The following SPTB variants were observed in gnomAD, a reference collection of about 807,000 sequenced individuals.
SPTB encodes the protein spectrin beta chain, erythrocytic.
In SPTB, 45 loss-of-function variants were observed where a neutral mutation model predicts 256.2. The ratio of observed to expected loss-of-function variants is 0.18; its 90% CI spans 0.14 to 0.23. The LOEUF (loss-of-function observed/expected upper bound fraction) is 0.23. Ranked by LOEUF, SPTB falls within the 10% of genes least tolerant of loss-of-function variation. The pLI, the probability that SPTB is intolerant of heterozygous loss-of-function variation, is 1.00. For synonymous variants in SPTB, 1,231 were observed against 1,243.1 expected (o/e 0.99, Z 0.21); for missense variants, 2,715 against 3,040.4 (o/e 0.89, Z 2.52).
chr14:64,749,077 G>C lies in SPTB; in HGVS notation c.*229C>G, dbSNP rs935772441. The C allele has an allele frequency of 1.2e-4, 56 of 465,906 alleles. No homozygotes were observed. The highest frequency in any genetic ancestry group is 9.2e-4 in the South Asian group (40 of 43,392). 28.9% of individuals were successfully genotyped at this position (465,906 alleles called of 1,614,324 possible). A position where few individuals can be genotyped will look rare whatever the true frequency, so the allele number is the denominator to read the frequency against. ...GGCCCCAAAGGCGCCAGAGGAGCTG[G>C]GAGCCCCTGTCCCTGGAGCGGAGCC... On this transcript the variant is annotated 3_prime_UTR_variant, in exon 36 of 36. Transcript: ENST00000644917. This position sits in a 1 kb window ranked among gnomAD's most constrained non-coding sequence, Gnocchi z 4.7.
chr14:64,849,241 C>G (rs2083741425), intron 1 of SPTB, among the ~76,000 whole-genome samples: 1 of 152,182 alleles, frequency 6.6e-6, no homozygotes, highest in Non-Finnish European at 1.5e-5. Context: ...CACATATCCT[C>G]AATTGGCTTC....
intron 32 of SPTB, among the ~76,000 whole-genome samples, chr14:64,765,048 G>GCGCA (rs1191648505): frequency 1.2e-4 from 17 of 144,520 alleles, no homozygotes; most frequent in Non-Finnish European, 2.0e-4. Context: ...GTGTGCGCGC[G>GCGCA]CGCGCGCGGG....
chr14:64,854,274 CTTTTTTT>C (rs1206368948), intron 1 of SPTB, among the ~76,000 whole-genome samples: 1 of 73,284 alleles, frequency 1.4e-5, no homozygotes, highest in South Asian at 6.5e-4. Flanking sequence ...TTTCCAAACT[CTTTTTTT>C]TTTTTTTTTT....
At position 64,793,080 on chromosome 14, in the gene SPTB, C is replaced by T. The variant is rs780538811; in HGVS notation, c.2583G>A (p.Glu861=). ...ACTTCTCCTTCTCTCCCATCCACAG[C>T]TCACAGGCGTCTGTCTCCCCGAACA... ...YTVFGETDAC[E]LWMGEKEKWL... is the part of the protein sequence containing the mutation. Residue 861 remains glutamate (E), a synonymous_variant, in exon 14 of 36, where the codon GAG becomes GAA. Transcript: ENST00000644917. This position sits in a 1 kb window ranked among gnomAD's most constrained non-coding sequence, Gnocchi z 7.0. The T allele has an allele frequency of 2.5e-6, 4 of 1,614,008 alleles. No individual in the cohort carries two copies. The highest frequency in any genetic ancestry group is 2.7e-5 in the African/African-American group (2 of 74,952).
At chr14:64,831,851 CAG>C (rs764327146) in intron 1 of SPTB, among the ~76,000 whole-genome samples, 29 of 152,246 alleles carry the variant, frequency 1.9e-4, no homozygotes, top group Admixed American at 4.6e-4. Flanking sequence ...ACACAGGAAA[CAG>C]AATGAGATCT....
At chr14:64,851,883 G>A (rs777757459) in intron 1 of SPTB, among the ~76,000 whole-genome samples, 5 of 151,918 alleles carry the variant, frequency 3.3e-5, no homozygotes, top group African/African-American at 4.8e-5. Context: ...AGGGGGGAGG[G>A]AGAGCTAAAG....
In SPTB at chr14:64,749,570, T is replaced by G; in HGVS notation, c.6819+84A>C. On this transcript the variant is annotated intron_variant, in intron 35 of 35. Coordinates refer to ENST00000644917, the MANE Select transcript of SPTB (RefSeq NM_001355436.2). The surrounding 1 kb of genome is among the most constrained non-coding windows in gnomAD (Gnocchi z 4.7). ...TGGGGGCTCTTGGGACTGCCCCTTC[T>G]GAGGGGGCCTCCAGGGCAAGCGGCC... The G allele has an allele frequency of 6.2e-7, 1 of 1,606,150 alleles. No individual in the cohort carries two copies. Among genetic ancestry groups the G allele is most frequent in the South Asian group, 1.1e-5 (1 of 90,882 alleles).
At chr14:64,863,072 C>T (rs975879738) in intron 1 of SPTB, among the ~76,000 whole-genome samples, 34 of 152,002 alleles carry the variant, frequency 2.2e-4, no homozygotes, top group African/African-American at 8.0e-4. Flanking sequence ...TGGTTTAGAC[C>T]CTCTTGAGTC....
In SPTB at chr14:64,827,205, T is replaced by C. The variant is rs1203612035; in HGVS notation, c.-51-4060A>G. 6.6e-6 allele frequency among the ~76,000 whole-genome samples: 1 copy of C among 152,104 alleles called. No individual in the cohort carries two copies. Among genetic ancestry groups the C allele is most frequent in the Non-Finnish European group, 1.5e-5 (1 of 68,022 alleles). On this transcript the variant is annotated intron_variant, in intron 1 of 35. Transcript: ENST00000644917. This position sits in a 1 kb window ranked among gnomAD's most constrained non-coding sequence, Gnocchi z 4.6. ...AGCAGAAGAGGCAGCTGTTCTCTTT[T>C]CTCCATCCTCTAGTCCCCCAACAAA...
intron 1 of SPTB, among the ~76,000 whole-genome samples, chr14:64,848,486 G>A (rs2083728877): frequency 6.6e-6 from 1 of 152,142 alleles, no homozygotes; most frequent in South Asian, 2.1e-4. Context: ...ACATCACTTA[G>A]TCATTTTCAG....
intron 32 of SPTB, among the ~76,000 whole-genome samples, chr14:64,762,759 C>T (rs76589441): frequency 0.081 from 12,399 of 152,224 alleles, 561 homozygotes; most frequent in Middle Eastern, 0.12. Context: ...GACTTCCTGA[C>T]GAGAAGGCTG....
At chr14:64,781,165 C>A (rs1003394142) in intron 20 of SPTB, among the ~76,000 whole-genome samples, 2 of 152,132 alleles carry the variant, frequency 1.3e-5, no homozygotes, top group Admixed American at 6.5e-5. Context: ...TAGGAATGGG[C>A]AAAGATTTCA....
Position 64,772,838 on chromosome 14 carries a change from C to T in SPTB, c.5295G>A (p.Ala1765=), listed in dbSNP as rs753080833. The change falls in exon 26 of 36, where the codon GCG becomes GCA. Residue 1765 remains alanine (A), a synonymous_variant. Coordinates refer to ENST00000644917, the MANE Select transcript of SPTB (RefSeq NM_001355436.2). This position sits in a 1 kb window ranked among gnomAD's most constrained non-coding sequence, Gnocchi z 5.4. Reference sequence around the variant, plus strand: ...CGTCCTTCCACTCGGCGATGGTGGCCGCCTCGCTGTGGCCCGCGTCGATGA... The same window carrying T: ...CGTCCTTCCACTCGGCGATGGTGGCTGCCTCGCTGTGGCCCGCGTCGATGA... ...ERLIDAGHSE[A]ATIAEWKDGL... The T allele has an allele frequency of 1.2e-5, 20 of 1,613,650 alleles. No homozygotes were observed. Among genetic ancestry groups the T allele is most frequent in the East Asian group, 2.2e-5 (1 of 44,882 alleles).
Position 64,805,108 on chromosome 14 carries a change from C to T in SPTB, c.149-18G>A. ...CCGCTCATCTAGGTGGAGAGAAGAA[C>T]CTTGGTGAGGTGCCTGAGGTTGGCA... On this transcript the variant is annotated intron_variant, in intron 2 of 35. Coordinates refer to ENST00000644917, the MANE Select transcript of SPTB (RefSeq NM_001355436.2). 6.2e-7 allele frequency: 1 copy of T among 1,614,090 alleles called. No homozygotes were observed. The highest frequency in any genetic ancestry group is 8.5e-7 in the Non-Finnish European group (1 of 1,179,998).
chr14:64,775,260 C>A lies in SPTB; in HGVS notation c.4707G>T (p.Leu1569=), dbSNP rs1489308476. The change falls in exon 23 of 36, where the codon CTG becomes CTT. Residue 1569 remains leucine, a synonymous_variant. Coordinates refer to ENST00000644917, the MANE Select transcript of SPTB (RefSeq NM_001355436.2). This position sits in a 1 kb window ranked among gnomAD's most constrained non-coding sequence, Gnocchi z 5.0. ...LGHLQSSWDR[L]REAAAGRLQR... ...GCAGCCTCCCGGCCGCTGCCTCCCG[C>A]AGCCTGTCCCAGGAGCTCTGCAGGT... 1.9e-6 allele frequency: 3 copies of A among 1,613,696 alleles called. No individual in the cohort carries two copies. The highest frequency in any genetic ancestry group is 2.5e-6 in the Non-Finnish European group (3 of 1,180,028).
intron 1 of SPTB, among the ~76,000 whole-genome samples, chr14:64,858,272 A>C (rs751294115): frequency 6.6e-6 from 1 of 152,242 alleles, no homozygotes; most frequent in Admixed American, 6.5e-5. Flanking sequence ...ACATGGAGTA[A>C]AGAGGCTGCT....
chr14:64,879,249 C>T (rs1005177623), intron 1 of SPTB, among the ~76,000 whole-genome samples: 3 of 152,198 alleles, frequency 2.0e-5, no homozygotes, highest in African/African-American at 7.2e-5. Context: ...TCCCAGCACC[C>T]GGAGGCCCGG....
intron 1 of SPTB, among the ~76,000 whole-genome samples, chr14:64,835,384 T>G (rs182668316): frequency 1.4e-4 from 22 of 152,332 alleles, no homozygotes; most frequent in Admixed American, 2.6e-4. Flanking sequence ...TAGCTGGGAT[T>G]ACAGGCACTC....
At chr14:64,801,473 G>T in intron 6 of SPTB, 73 bp from the exon 7 acceptor site, 1 of 1,149,174 alleles carries the variant, frequency 8.7e-7, no homozygotes, top group Non-Finnish European at 1.3e-6. Flanking sequence ...CTAGCATGAA[G>T]CAGACATTGT....
Sources: allele counts gnomAD v4.1 joint callset (sites outside exome capture counted in the v4.1 genomes callset), GRCh38; gene constraint gnomAD v4.1.1; non-coding constraint Gnocchi (gnomAD v3.1); transcripts MANE v1.5; gene names NCBI Gene and HGNC (gene_info 2026-07-23, HGNC 2026-07-21).